SOX5: variants seen among roughly 807,000 people sequenced by gnomAD.
SOX5 encodes the protein SRY-box transcription factor 5, also known as transcription factor SOX-5.
SOX5 carries 9 observed loss-of-function variants against 92.0 expected under a neutral mutation model. That is an observed-to-expected ratio of 0.10 (90% CI 0.06 to 0.17). The LOEUF (loss-of-function observed/expected upper bound fraction) is 0.17. Ranked by LOEUF, SOX5 falls within the 10% of genes least tolerant of loss-of-function variation. SOX5 has a pLI of 1.00. For synonymous variants in SOX5, 344 were observed against 336.3 expected (o/e 1.02, Z -0.25); for missense variants, 642 against 944.5 (o/e 0.68, Z 4.20).
intron 1 of SOX5, among the ~76,000 whole-genome samples, chr12:23,919,558 T>C (rs1190470959): frequency 6.6e-6 from 1 of 152,208 alleles, no homozygotes. Context: ...TATCTGGCTA[T>C]CTACTTATTT....
chr12:24,546,262 T>A (rs1486585258), intron 1 of SOX5, among the ~76,000 whole-genome samples: 6 of 152,224 alleles, frequency 3.9e-5, no homozygotes, highest in Admixed American at 1.3e-4. Flanking sequence ...CATCACTGAA[T>A]ATGCAAAGAC....
chr12:24,554,293 A>G (rs1398557169), intron 1 of SOX5, among the ~76,000 whole-genome samples: 2 of 152,222 alleles, frequency 1.3e-5, no homozygotes, highest in South Asian at 2.1e-4. Flanking sequence ...ACCTGCCACA[A>G]TGGAGGATTA....
At chr12:23,906,845 A>C (rs2097298532) in intron 1 of SOX5, among the ~76,000 whole-genome samples, 1 of 152,138 alleles carries the variant, frequency 6.6e-6, no homozygotes. Flanking sequence ...TAAGGAAATA[A>C]AGACAGTATT....
rs552042917 is a variant in SOX5, at chr12:24,258,166, C to T, written c.-77+19050G>A. ...CCAGCCTGGTAACAGAGCAAGACTC[C>T]GTCAAAAAACACACACACACACAAA... On this transcript the variant is annotated intron_variant, in intron 3 of 4. Coordinates refer to the SOX5 transcript ENST00000446891. 9.2e-5 allele frequency among the ~76,000 whole-genome samples: 14 copies of T among 151,914 alleles called. No homozygotes were observed. The South Asian group carries it at 2.1e-3, about 23-fold the overall frequency.
At chr12:23,561,365 G>C (rs1266411512) in intron 11 of SOX5, among the ~76,000 whole-genome samples, 1 of 152,118 alleles carries the variant, frequency 6.6e-6, no homozygotes, top group Non-Finnish European at 1.5e-5. Context: ...GAATGCAGAT[G>C]GTTCCACTCC....
intron 4 of SOX5, among the ~76,000 whole-genome samples, chr12:24,158,925 T>C (rs1952475045): frequency 2.0e-5 from 3 of 151,928 alleles, no homozygotes; most frequent in Admixed American, 2.0e-4. Context: ...ATGAAGTTGG[T>C]TTCTTATATA....
chr12:23,680,325 C>CAAAAAA (rs57754255), intron 6 of SOX5, among the ~76,000 whole-genome samples: 9 of 48,342 alleles, frequency 1.9e-4, no homozygotes, highest in South Asian at 8.6e-4. Context: ...GACCTTGTCT[C>CAAAAAA]AAAAAAAAAA....
intron 4 of SOX5, among the ~76,000 whole-genome samples, chr12:24,121,981 A>T (rs1202105826): frequency 6.6e-6 from 1 of 152,090 alleles, no homozygotes; most frequent in South Asian, 2.1e-4. Context: ...GCAAGGAAAA[A>T]ATTCATCTTG....
intron 1 of SOX5, among the ~76,000 whole-genome samples, chr12:24,408,600 C>T (rs1008674978): frequency 1.3e-5 from 2 of 152,156 alleles, no homozygotes; most frequent in African/African-American, 4.8e-5. Flanking sequence ...TCTATAATTT[C>T]TTCACTTCAA....
intron 4 of SOX5, among the ~76,000 whole-genome samples, chr12:23,976,026 A>T (rs1179726284): frequency 6.6e-6 from 1 of 152,170 alleles, no homozygotes; most frequent in Non-Finnish European, 1.5e-5. Flanking sequence ...GAAATATTTT[A>T]TGTATAATAT....
At chr12:23,622,229 C>A (rs1488804320) in intron 8 of SOX5, among the ~76,000 whole-genome samples, 1 of 151,940 alleles carries the variant, frequency 6.6e-6, no homozygotes, top group Non-Finnish European at 1.5e-5. Context: ...AATTTAATTT[C>A]ATACTTGCCC....
chr12:23,831,909 T>A (rs1029125457), intron 3 of SOX5, among the ~76,000 whole-genome samples: 2 of 146,462 alleles, frequency 1.4e-5, no homozygotes, highest in African/African-American at 5.1e-5. Flanking sequence ...CACTGACAGA[T>A]ACAGATGCTA....
chr12:24,314,263 C>A (rs1949488016), intron 2 of SOX5, among the ~76,000 whole-genome samples: 1 of 151,726 alleles, frequency 6.6e-6, no homozygotes, highest in Non-Finnish European at 1.5e-5. Flanking sequence ...TCATCCATGT[C>A]CCTACAAAGG....
chr12:23,773,780 A>G (rs1356499528), intron 3 of SOX5, among the ~76,000 whole-genome samples: 2 of 152,222 alleles, frequency 1.3e-5, no homozygotes, highest in Admixed American at 1.3e-4. Flanking sequence ...CACCAGTCAA[A>G]AAAATCAATA....
intron 9 of SOX5, among the ~76,000 whole-genome samples, chr12:23,578,020 C>G (rs1351951522): frequency 6.9e-6 from 1 of 144,774 alleles, no homozygotes; most frequent in South Asian, 2.2e-4. Context: ...ACTCAGGAGG[C>G]TAAGGCAGGA....
intron 3 of SOX5, among the ~76,000 whole-genome samples, chr12:23,759,101 C>T (rs924834435): frequency 8.0e-5 from 12 of 150,208 alleles, no homozygotes; most frequent in South Asian, 4.2e-4. Context: ...AGTTCTGGAT[C>T]GTAGGAAAAA....
At chr12:23,727,748 A>T (rs561210296) in intron 6 of SOX5, among the ~76,000 whole-genome samples, 61 of 152,322 alleles carry the variant, frequency 4.0e-4, no homozygotes, top group African/African-American at 1.5e-3. Flanking sequence ...CACTATAATT[A>T]AATTTTTTGA....
At chr12:23,834,326 T>G (rs548982894) in intron 3 of SOX5, among the ~76,000 whole-genome samples, 1 of 151,832 alleles carries the variant, frequency 6.6e-6, no homozygotes, top group African/African-American at 2.4e-5. Context: ...GGGAGAACAA[T>G]AGGGTAGAGT....
intron 8 of SOX5, among the ~76,000 whole-genome samples, chr12:23,621,381 G>C (rs1275395251): frequency 6.6e-6 from 1 of 151,966 alleles, no homozygotes; most frequent in African/African-American, 2.4e-5. Context: ...CAGTGGTGAT[G>C]GTTATATAAC....
Sources: allele counts gnomAD v4.1 joint callset (sites outside exome capture counted in the v4.1 genomes callset), GRCh38; gene constraint gnomAD v4.1.1; transcripts MANE v1.5; gene names NCBI Gene and HGNC (gene_info 2026-07-23, HGNC 2026-07-21).